ABCB9: variants seen among roughly 807,000 people sequenced by gnomAD.
ABCB9 encodes ABC-type oligopeptide transporter ABCB9.
Under a neutral mutation model 62.0 loss-of-function variants are expected in ABCB9, and 36 were observed. That is an observed-to-expected ratio of 0.58 (90% CI 0.45 to 0.77). ABCB9 has a LOEUF of 0.77. Ranked by LOEUF, ABCB9 falls within the 30% of genes least tolerant of loss-of-function variation. ABCB9 has a pLI of 0.00. For synonymous variants in ABCB9, 435 were observed against 461.4 expected (o/e 0.94, Z 0.73); for missense variants, 943 against 1,054.7 (o/e 0.89, Z 1.47).
chr12:122,936,581 C>T (rs1407852297), intron 9 of ABCB9, among the ~76,000 whole-genome samples: 1 of 150,956 alleles, frequency 6.6e-6, no homozygotes, highest in African/African-American at 2.4e-5. Context: ...GCCTGAGCAA[C>T]ACAGTGAGAA....
At chr12:122,950,631 G>A in intron 2 of ABCB9, 66 bp from the exon 3 acceptor site, 1 of 1,317,726 alleles carries the variant, frequency 7.6e-7, no homozygotes, top group Non-Finnish European at 1.1e-6. Flanking sequence ...TCCTCCTGAG[G>A]CTCCAGAAGT....
At chr12:122,960,760 CAA>C (rs36119389) in intron 1 of ABCB9, among the ~76,000 whole-genome samples, 15 of 92,430 alleles carry the variant, frequency 1.6e-4, no homozygotes, top group Admixed American at 2.4e-4. Flanking sequence ...GACTCCATCT[CAA>C]AAAAAAAAAA....
upstream of ABCB9, among the ~76,000 whole-genome samples, chr12:122,969,544 C>T (rs548494885): frequency 3.9e-5 from 6 of 152,122 alleles, no homozygotes; most frequent in South Asian, 6.2e-4. Context: ...GAACCCAGCC[C>T]GGGCAACACA....
Position 122,929,967 on chromosome 12 carries a change from C to A in ABCB9, c.2245G>T (p.Ala749Ser). ...QRQMLGLQPAADFTAGHNEPV... is the reference protein window; with the variant it reads ...QRQMLGLQPASDFTAGHNEPV... ...TCGTTGTGGCCAGCTGTGAAGTCTG[C>A]GGCGGGCTGAAGCCCCAGCATCTGC... is the stretch of plus-strand genomic sequence containing the variant. Residue 749 changes from alanine to serine, a missense_variant, in exon 12 of 12, where the codon GCA becomes TCA. Physicochemically the swap from Ala to Ser is moderately conservative, Grantham distance 99. Coordinates refer to ENST00000280560, the MANE Select transcript of ABCB9 (RefSeq NM_019625.4). This position sits in a 1 kb window ranked among gnomAD's most constrained non-coding sequence, Gnocchi z 6.0. 6.3e-7 allele frequency: 1 copy of A among 1,578,896 alleles called. No homozygotes were observed. The highest frequency in any genetic ancestry group is 8.6e-7 in the Non-Finnish European group (1 of 1,165,480).
At position 122,936,048 on chromosome 12, in the gene ABCB9, G is replaced by GA. The variant is rs1179141908; in HGVS notation, c.1744-618dup. On this transcript the variant is annotated intron_variant, in intron 9 of 11. Coordinates refer to ENST00000280560, the MANE Select transcript of ABCB9 (RefSeq NM_019625.4). ...CAGAAAGACCCCATATCTACAAAAT[G>GA]AAAAAAATATATAGTATGGAAGATA... 3.3e-5 allele frequency among the ~76,000 whole-genome samples: 5 copies of GA among 151,678 alleles called. No homozygotes were observed. The East Asian group carries it at 9.7e-4, about 29-fold the overall frequency.
In ABCB9 at chr12:122,935,402, C is replaced by A. The variant is rs1030673914; in HGVS notation, c.1773G>T (p.Leu591=). 13 of 1,613,774 alleles carry A rather than the reference C, an allele frequency of 8.1e-6. No homozygotes were observed. Among genetic ancestry groups the A allele is most frequent in the Non-Finnish European group, 9.3e-6 (11 of 1,179,950 alleles). Residue 591 remains leucine (L), a synonymous_variant, in exon 10 of 12, where the codon CTG becomes CTT. Transcript: ENST00000280560. ...TGTTATCCGTGATGGAGCGGGCGAACAGCACGGGCTCCTGGCTCACCAGGG... is the reference window on the plus strand; with the variant it reads ...TGTTATCCGTGATGGAGCGGGCGAAAAGCACGGGCTCCTGGCTCACCAGGG... ...VISLVSQEPV[L]FARSITDNIS...
In ABCB9 at chr12:122,946,027, C is replaced by T. The variant is rs2036027318; in HGVS notation, c.1249G>A (p.Gly417Arg). Residue 417 changes from glycine to arginine, a missense_variant and splice_region_variant, in exon 6 of 12, where the codon GGG (glycine) becomes AGG (arginine). Physicochemically the swap from Gly to Arg is moderately radical, Grantham distance 125. Coordinates refer to ENST00000280560, the MANE Select transcript of ABCB9 (RefSeq NM_019625.4). Reference protein sequence around the residue: ...AAYMYYVWGSGLTLLVVQVSI... With the variant: ...AAYMYYVWGSRLTLLVVQVSI... ...GCTGCCTGGCCAGGGGCACGTACCC[C>T]GCTGCCCCAGACGTAGTACATGTAG... 3 of 1,613,404 alleles carry T rather than the reference C, an allele frequency of 1.9e-6. No individual in the cohort carries two copies. The highest frequency in any genetic ancestry group is 2.5e-6 in the Non-Finnish European group (3 of 1,179,970).
At chr12:122,921,575 G>A (rs916010698) in intron 11 of ABCB9, among the ~76,000 whole-genome samples, 2 of 152,076 alleles carry the variant, frequency 1.3e-5, no homozygotes, top group African/African-American at 2.4e-5. Flanking sequence ...TCAGGAGTTC[G>A]AGACCAGCCT....
intron 3 of ABCB9, 78 bp downstream of exon 3, chr12:122,950,373 C>T (rs778636302): frequency 2.9e-6 from 4 of 1,386,630 alleles, no homozygotes; most frequent in Non-Finnish European, 3.9e-6. Flanking sequence ...CCCTGTCTTC[C>T]TTAGGAACAG....
rs928390879 is a variant in ABCB9, at chr12:122,947,251, C to A, written c.1054-1029G>T. Among the ~76,000 whole-genome samples, 2 of 152,170 alleles carry A rather than the reference C, an allele frequency of 1.3e-5. No homozygotes were observed. The stretch of plus-strand genomic sequence containing the variant: ...GAAGCAAGGGGTGGGGAGCAGCGTG[C>A]CAGAAATGGCTCAGACTCTAAAGAA... On this transcript the variant is annotated intron_variant, in intron 5 of 11. Coordinates refer to ENST00000280560, the MANE Select transcript of ABCB9 (RefSeq NM_019625.4). This position sits in a 1 kb window ranked among gnomAD's most constrained non-coding sequence, Gnocchi z 6.0.
upstream of ABCB9, among the ~76,000 whole-genome samples, chr12:122,968,072 GAA>G (rs58427259): frequency 7.6e-6 from 1 of 132,412 alleles, no homozygotes; most frequent in African/African-American, 3.5e-5. Context: ...TCTGTAGCCA[GAA>G]AAAAAAAAAT....
chr12:122,945,695 T>C (rs1209368169), intron 6 of ABCB9, among the ~76,000 whole-genome samples: 1 of 151,924 alleles, frequency 6.6e-6, no homozygotes, highest in Non-Finnish European at 1.5e-5. Flanking sequence ...CTGGCCAAGA[T>C]AGTGAAACCC....
chr12:122,921,256 A>G (rs2034739783), intron 11 of ABCB9, among the ~76,000 whole-genome samples: 1 of 151,902 alleles, frequency 6.6e-6, no homozygotes, highest in East Asian at 1.9e-4. Context: ...TCTCTACAGA[A>G]AATCTAAAAA....
intron 1 of ABCB9, among the ~76,000 whole-genome samples, chr12:122,965,384 C>T (rs1415922263): frequency 1.3e-5 from 2 of 152,224 alleles, no homozygotes; most frequent in Non-Finnish European, 2.9e-5. Flanking sequence ...CCATTCGCTG[C>T]GCAGCAAAGC....
chr12:122,971,415 A>G (rs1290766524), upstream of ABCB9, among the ~76,000 whole-genome samples: 1 of 139,576 alleles, frequency 7.2e-6, no homozygotes, highest in African/African-American at 3.3e-5. Flanking sequence ...AATCAAAAAC[A>G]AACAAAAACA....
chr12:122,969,174 A>AACCCCCC (rs2037242154), upstream of ABCB9, among the ~76,000 whole-genome samples: 1 of 138,382 alleles, frequency 7.2e-6, no homozygotes, highest in Admixed American at 7.4e-5. Context: ...CATCCTTTCC[A>AACCCCCC]CCCCCCCCCC....
Position 122,950,495 on chromosome 12 carries a change from C to G in ABCB9, c.672G>C (p.Gln224His). ...ACACGATGACGACAGCCGTGCTGAA[C>G]TGATCCATGCTTTTCTGGATGACGA... ...DGIVIQKSMD[Q>H]FSTAVVIVCL... Residue 224 changes from glutamine to histidine, a missense_variant, in exon 3 of 12, where the codon CAG becomes CAC. By Grantham distance (24) the Gln-to-His change is conservative. Transcript: ENST00000280560. The G allele has an allele frequency of 6.2e-7, 1 of 1,613,330 alleles. No individual in the cohort carries two copies. The highest frequency in any genetic ancestry group is 8.5e-7 in the Non-Finnish European group (1 of 1,179,986).
At chr12:122,951,970 G>A (rs1198917088) in intron 2 of ABCB9, 1 of 152,254 alleles carries the variant, frequency 6.6e-6, no homozygotes, top group East Asian at 1.9e-4. Context: ...TCTCCAGGAT[G>A]GGATGAGGGC....
chr12:122,940,300 A>G lies in ABCB9; in HGVS notation c.1570-16T>C. The G allele has an allele frequency of 4.5e-6, 7 of 1,571,888 alleles. No individual in the cohort carries two copies. The highest frequency in any genetic ancestry group is 6.0e-6 in the Non-Finnish European group (7 of 1,157,118). ...AGGAGACATTCTGCAAAGAACACACAGGCACAGTGCGGGGTTATCGGCTCA... is the reference window on the plus strand; with the variant it reads ...AGGAGACATTCTGCAAAGAACACACGGGCACAGTGCGGGGTTATCGGCTCA... On this transcript the variant is annotated splice_polypyrimidine_tract_variant and intron_variant, in intron 8 of 11. Coordinates refer to ENST00000280560, the MANE Select transcript of ABCB9 (RefSeq NM_019625.4). The surrounding 1 kb of genome is among the most constrained non-coding windows in gnomAD (Gnocchi z 4.8).
Sources: allele counts gnomAD v4.1 joint callset (sites outside exome capture counted in the v4.1 genomes callset), GRCh38; gene constraint gnomAD v4.1.1; non-coding constraint Gnocchi (gnomAD v3.1); transcripts MANE v1.5; gene names NCBI Gene and HGNC (gene_info 2026-07-23, HGNC 2026-07-21).